ENPP6: variants seen among roughly 807,000 people sequenced by gnomAD.
The protein encoded by ENPP6 is ectonucleotide pyrophosphatase/phosphodiesterase 6, also known as glycerophosphocholine cholinephosphodiesterase ENPP6.
Under a neutral mutation model 42.0 loss-of-function variants are expected in ENPP6, and 32 were observed. That is an observed-to-expected ratio of 0.76 (90% confidence interval 0.58 to 1.02). ENPP6 has a LOEUF of 1.02. Ranked by LOEUF, ENPP6 falls within the 50% of genes least tolerant of loss-of-function variation. The pLI is 0.00. For synonymous variants in ENPP6, 213 were observed against 216.0 expected, an observed-to-expected ratio of 0.99 and a Z score of 0.12; for missense variants, 552 against 566.8, an observed-to-expected ratio of 0.97 and a Z score of 0.27.
intron 7 of ENPP6, among the ~76,000 whole-genome samples, chr4:184,094,015 C>A (rs1378978141): frequency 6.6e-6 from 1 of 152,026 alleles, no homozygotes; most frequent in Admixed American, 6.5e-5. Context: ...CACTATGGCT[C>A]ACACCTGTAA....
At chr4:184,179,487 TTGAACTCAGCCC>T (rs973656429) in intron 1 of ENPP6, among the ~76,000 whole-genome samples, 1 of 152,176 alleles carries the variant, frequency 6.6e-6, no homozygotes, top group Non-Finnish European at 1.5e-5. Flanking sequence ...TATTCAGGAC[TTGAACTCAGCCC>T]TGGATCGAGT....
intron 3 of ENPP6, among the ~76,000 whole-genome samples, chr4:184,121,603 G>A (rs1461815400): frequency 1.3e-5 from 2 of 152,214 alleles, no homozygotes; most frequent in African/African-American, 4.8e-5. Flanking sequence ...GTCAAGAGGT[G>A]AGCTGTGGCA....
chr4:184,169,651 GAGCCACTATAGATGAAGGCTCTA>G (rs1456745693), intron 1 of ENPP6, among the ~76,000 whole-genome samples: 7 of 152,206 alleles, frequency 4.6e-5, no homozygotes, highest in Admixed American at 1.3e-4. Context: ...CACCAGTTGA[GAGCCACTATAGATGAAGGCTCTA>G]GGCCGCAGTT....
chr4:184,168,625 C>T (rs2111090227), intron 1 of ENPP6, among the ~76,000 whole-genome samples: 1 of 152,356 alleles, frequency 6.6e-6, no homozygotes, highest in Admixed American at 6.5e-5. Flanking sequence ...GTCTTCACCA[C>T]CGCCCGCAGC....
chr4:184,098,341 A>C (rs1251888756), intron 6 of ENPP6, among the ~76,000 whole-genome samples: 1 of 152,184 alleles, frequency 6.6e-6, no homozygotes, highest in East Asian at 1.9e-4. Flanking sequence ...TCAGCATTGA[A>C]CCGAATGGCG....
At chr4:184,100,355 A>C (rs1735977104) in intron 6 of ENPP6, among the ~76,000 whole-genome samples, 1 of 152,186 alleles carries the variant, frequency 6.6e-6, no homozygotes, top group South Asian at 2.1e-4. Flanking sequence ...CCCATGAAGA[A>C]GGGCCCGCCA....
intron 6 of ENPP6, among the ~76,000 whole-genome samples, chr4:184,112,179 G>A (rs1295253302): frequency 6.6e-6 from 1 of 152,164 alleles, no homozygotes; most frequent in Non-Finnish European, 1.5e-5. Context: ...AGGAGGCTGT[G>A]GAGGTCATTC....
chr4:184,173,061 G>T (rs948916900), intron 1 of ENPP6, among the ~76,000 whole-genome samples: 3 of 152,068 alleles, frequency 2.0e-5, no homozygotes. Flanking sequence ...CCGTCACCAT[G>T]CCCAGCTAAT....
rs948211014 is a variant in ENPP6 at position 184,101,996 on chromosome 4, C to T, written c.994-4628G>A. Among the ~76,000 whole-genome samples, 3 of 152,342 alleles carry T rather than the reference C, an allele frequency of 2.0e-5. No individual in the cohort carries two copies. The East Asian group carries it at 5.8e-4, about 29-fold the overall frequency. ...TCTCTGGGCGCCTGCACTCCATCGC[C>T]AGCTCCCCATGATAATGCCTGTTAT... On this transcript the variant is annotated intron_variant, in intron 6 of 7. Coordinates refer to ENST00000296741, the MANE Select transcript of ENPP6 (RefSeq NM_153343.4).
intron 3 of ENPP6, among the ~76,000 whole-genome samples, chr4:184,118,442 G>A (rs544559692): frequency 6.6e-6 from 1 of 152,244 alleles, no homozygotes; most frequent in East Asian, 1.9e-4. Context: ...CTCCTGTCCT[G>A]GTTTCCTTAA....
intron 2 of ENPP6, among the ~76,000 whole-genome samples, chr4:184,133,161 TCACACACACACACACACA>T (rs66979248): frequency 7.2e-6 from 1 of 139,852 alleles, no homozygotes; most frequent in Non-Finnish European, 1.5e-5. Flanking sequence ...ACCTGTCAAT[TCACACACACACACACACA>T]CACACACACA....
chr4:184,094,619 G>T (rs755567625), intron 7 of ENPP6, among the ~76,000 whole-genome samples: 1 of 152,268 alleles, frequency 6.6e-6, no homozygotes, highest in Non-Finnish European at 1.5e-5. Context: ...GACATGGACA[G>T]AGAGTCCAAG....
At chr4:184,139,647 A>T (rs1473706586) in intron 2 of ENPP6, among the ~76,000 whole-genome samples, 1 of 81,020 alleles carries the variant, frequency 1.2e-5, no homozygotes, top group Non-Finnish European at 2.8e-5. Context: ...ACTGAGAATG[A>T]TGATTTCCAA....
chr4:184,141,844 AT>A (rs1422223988), intron 2 of ENPP6, among the ~76,000 whole-genome samples: 1 of 152,200 alleles, frequency 6.6e-6, no homozygotes, highest in African/African-American at 2.4e-5. Context: ...AATTATTTTG[AT>A]ACACTTATTT....
chr4:184,204,512 T>C (rs1391160243), intron 1 of ENPP6, among the ~76,000 whole-genome samples: 1 of 152,174 alleles, frequency 6.6e-6, no homozygotes, highest in Non-Finnish European at 1.5e-5. Context: ...TGTGCCTGGT[T>C]CCATGCGTGG....
intron 2 of ENPP6, among the ~76,000 whole-genome samples, chr4:184,149,345 A>G (rs1196108588): frequency 6.6e-6 from 1 of 152,194 alleles, no homozygotes; most frequent in Non-Finnish European, 1.5e-5. Context: ...CTGATCCATA[A>G]TTCTTCACCA....
chr4:184,163,374 T>C (rs557102232), intron 1 of ENPP6, among the ~76,000 whole-genome samples: 1 of 152,132 alleles, frequency 6.6e-6, no homozygotes, highest in African/African-American at 2.4e-5. Flanking sequence ...TTCCAATAAG[T>C]AGTGGGTGGG....
At chr4:184,160,146 C>A (rs1449227427) in intron 1 of ENPP6, among the ~76,000 whole-genome samples, 1 of 152,102 alleles carries the variant, frequency 6.6e-6, no homozygotes, top group African/African-American at 2.4e-5. Flanking sequence ...ATAATGACTT[C>A]TTTTCCTTTG....
At chr4:184,123,826 G>A (rs1235998616) in intron 3 of ENPP6, among the ~76,000 whole-genome samples, 2 of 152,124 alleles carry the variant, frequency 1.3e-5, no homozygotes, top group African/African-American at 4.8e-5. Flanking sequence ...GCCAAATACT[G>A]ATTAGTACCT....
Sources: gnomAD v4.1 joint callset for allele counts (sites outside exome capture counted in the v4.1 genomes callset) on GRCh38, gnomAD v4.1.1 for gene constraint, MANE v1.5 for transcripts, NCBI Gene and HGNC (gene_info 2026-07-23, HGNC 2026-07-21) for gene names.